Variants in CSE1L observed in about 807,000 individuals in gnomAD.
CSE1L encodes the protein exportin-2.
A neutral mutation model predicts 120.4 loss-of-function variants in CSE1L; 24 were observed. The observed-to-expected ratio is 0.20, with a 90% CI of 0.14 to 0.28. The LOEUF is 0.28. CSE1L is among the 10% of genes least tolerant of loss of function. The pLI is 1.00. For synonymous variants in CSE1L, 402 were observed against 398.3 expected (o/e 1.01, Z -0.11); for missense variants, 830 against 1,145.2 (o/e 0.72, Z 3.97).
chr20:49,094,047 A>C (rs1324511365), intron 22 of CSE1L, 93 bp from the exon 23 acceptor site: 1 of 787,826 alleles, frequency 1.3e-6, no homozygotes, highest in Non-Finnish European at 2.0e-6. Context: ...TTAGTAATTT[A>C]TCATATTCAT....
chr20:49,051,981 C>T (rs1259346958), intron 1 of CSE1L, among the ~76,000 whole-genome samples: 1 of 152,208 alleles, frequency 6.6e-6, no homozygotes, highest in East Asian at 1.9e-4. Context: ...CAGGCATGAG[C>T]CATTCTGCCA....
At chr20:49,064,870 G>A (rs899208658) in intron 3 of CSE1L, among the ~76,000 whole-genome samples, 1 of 151,046 alleles carries the variant, frequency 6.6e-6, no homozygotes, top group Non-Finnish European at 1.5e-5. Flanking sequence ...AATTTTCACA[G>A]AGGGCTGGGT....
intron 17 of CSE1L, 80 bp downstream of exon 17, chr20:49,088,186 C>G: frequency 1.1e-6 from 1 of 937,050 alleles, no homozygotes; most frequent in Non-Finnish European, 1.7e-6. Flanking sequence ...TTTGGCATTA[C>G]GTGAAGCTTT....
intron 3 of CSE1L, among the ~76,000 whole-genome samples, chr20:49,065,706 G>C (rs2123691184): frequency 7.1e-6 from 1 of 141,438 alleles, no homozygotes; most frequent in African/African-American, 2.7e-5. Flanking sequence ...CAATTCTCCT[G>C]CTTCAGCCTC....
intron 15 of CSE1L, 33 bp downstream of exon 15, chr20:49,084,195 G>A: frequency 6.2e-7 from 1 of 1,610,346 alleles, no homozygotes; most frequent in Non-Finnish European, 8.5e-7. Flanking sequence ...TTTTAGCCTG[G>A]GGTAGGGGCT....
chr20:49,069,579 T>A (rs753981743), intron 7 of CSE1L, among the ~76,000 whole-genome samples: 2 of 152,162 alleles, frequency 1.3e-5, no homozygotes, highest in African/African-American at 2.4e-5. Context: ...TTAGCTAGAA[T>A]AGGAGATGAA....
At position 49,089,260 on chromosome 20, in the gene CSE1L, C is replaced by T; in HGVS notation, c.1835C>T (p.Pro612Leu). ...TTTTAATTTCAGAACCCAAGCAAACCTCACTTTAATCACTACATGTTTGAA... is the reference window on the plus strand; with the variant it reads ...TTTTAATTTCAGAACCCAAGCAAACTTCACTTTAATCACTACATGTTTGAA... ...LLAVSKNPSK[P>L]HFNHYMFEAI... The change falls in exon 18 of 25, where the codon CCT becomes CTT. Residue 612 changes from proline to leucine, a missense_variant. This residue lies in a region of CSE1L where 168 missense variants were observed against 267.9 expected (regional missense o/e 0.63). Transcript: ENST00000262982. 1 of 1,577,324 alleles carries T rather than the reference C, an allele frequency of 6.3e-7. No homozygotes were observed. The highest frequency in any genetic ancestry group is 8.6e-7 in the Non-Finnish European group (1 of 1,168,626).
intron 1 of CSE1L, among the ~76,000 whole-genome samples, chr20:49,050,199 AT>A: frequency 7.5e-6 from 1 of 133,712 alleles, no homozygotes; most frequent in East Asian, 2.7e-4. Flanking sequence ...TTATTTATTT[AT>A]TTTTATTTTA....
intron 8 of CSE1L, among the ~76,000 whole-genome samples, 177 bp from the exon 9 acceptor site, chr20:49,072,109 A>T (rs2091936608): frequency 6.6e-6 from 1 of 152,238 alleles, no homozygotes; most frequent in African/African-American, 2.4e-5. Flanking sequence ...TTTGTAATTC[A>T]GCAACTTATT....
At chr20:49,083,646 T>C (rs1471195288) in intron 14 of CSE1L, among the ~76,000 whole-genome samples, 2 of 152,214 alleles carry the variant, frequency 1.3e-5, no homozygotes, top group Non-Finnish European at 2.9e-5. Context: ...TTGTTGCTTT[T>C]TGGGGGTGGG....
chr20:49,091,499 G>A (rs951294294), intron 21 of CSE1L, among the ~76,000 whole-genome samples: 1 of 150,542 alleles, frequency 6.6e-6, no homozygotes, highest in Non-Finnish European at 1.5e-5. Context: ...TTTGGGAGGT[G>A]AAAGTGGGAG....
chr20:49,070,729 C>G (rs904569342), intron 8 of CSE1L, among the ~76,000 whole-genome samples: 2 of 152,054 alleles, frequency 1.3e-5, no homozygotes, highest in African/African-American at 4.8e-5. Flanking sequence ...CCCAGGAGTT[C>G]AAGACCAGCC....
chr20:49,052,718 T>G (rs1600583937), intron 1 of CSE1L, among the ~76,000 whole-genome samples: 1 of 152,302 alleles, frequency 6.6e-6, no homozygotes, highest in South Asian at 2.1e-4. Flanking sequence ...AGTCTCAATT[T>G]GCTGGATCTA....
At chr20:49,056,709 TTTAA>T (rs913170612) in intron 1 of CSE1L, among the ~76,000 whole-genome samples, 7 of 151,886 alleles carry the variant, frequency 4.6e-5, no homozygotes, top group African/African-American at 1.5e-4. Context: ...TCATTTTCCT[TTTAA>T]TTGAGTGGGT....
At chr20:49,066,091 T>G in intron 3 of CSE1L, 101 bp from the exon 4 acceptor site, 1 of 987,566 alleles carries the variant, frequency 1.0e-6, no homozygotes, top group South Asian at 1.7e-5. Context: ...TTTGTTTTCT[T>G]AGAAAATTAG....
rs2091904180 is a variant in CSE1L at position 49,067,764 on chromosome 20, ACT to A, written c.567+488_567+489del. Among the ~76,000 whole-genome samples, 2 of 151,504 alleles carry A rather than the reference ACT, an allele frequency of 1.3e-5. 1 individual carries two copies. The highest frequency in any genetic ancestry group is 4.2e-4 in the South Asian group (2 of 4,800). On this transcript the variant is annotated intron_variant, in intron 6 of 24. Transcript: ENST00000262982. ...TTTTCTTTTTTAAAGACAGGGTCTC[ACT>A]CTCATTGCCCAGGCTGGAGTGCAGT...
chr20:49,053,608 C>T (rs2091785448), intron 1 of CSE1L, among the ~76,000 whole-genome samples: 1 of 152,052 alleles, frequency 6.6e-6, no homozygotes, highest in Non-Finnish European at 1.5e-5. Flanking sequence ...CTCTCAGCCT[C>T]CCAGAGTGCT....
intron 3 of CSE1L, among the ~76,000 whole-genome samples, chr20:49,064,413 TAAAG>T (rs1283635653): frequency 1.3e-5 from 2 of 152,196 alleles, no homozygotes; most frequent in African/African-American, 4.8e-5. Context: ...CCATGAGTGG[TAAAG>T]AAATCTTAGA....
At chr20:49,078,216 C>T (rs1239192992) in intron 13 of CSE1L, among the ~76,000 whole-genome samples, 3 of 152,112 alleles carry the variant, frequency 2.0e-5, no homozygotes, top group Non-Finnish European at 4.4e-5. Flanking sequence ...TATTTCCCTA[C>T]CCACTAGAAT....
Sources: allele counts gnomAD v4.1 joint callset (sites outside exome capture counted in the v4.1 genomes callset), GRCh38; gene constraint gnomAD v4.1.1; regional missense constraint gnomAD v4.1.1; transcripts MANE v1.5; gene names NCBI Gene and HGNC (gene_info 2026-07-23, HGNC 2026-07-21).